ZNF469: variants seen among roughly 807,000 people sequenced by gnomAD.
ZNF469 encodes zinc finger protein 469.
Under a neutral mutation model 1.0 loss-of-function variants are expected in ZNF469, and 1 was observed. The ratio of observed to expected loss-of-function variants is 1.00; its 90% CI spans 0.35 to 4.73. ZNF469 has a LOEUF of 4.73. ZNF469 is among the 30% of genes most tolerant of loss of function. ZNF469 has a pLI of 0.16. For synonymous variants in ZNF469, 2,703 were observed against 2,363.4 expected (o/e 1.14, Z -4.17); for missense variants, 6,100 against 5,356.3 (o/e 1.14, Z -4.33).
the ZNF469 span, among the ~76,000 whole-genome samples, chr16:88,318,460 G>A: frequency 3.5e-5 from 5 of 141,488 alleles, no homozygotes; most frequent in East Asian, 5.8e-4. Context: ...AGGAGCTGGC[G>A]GTGTCCTCTG....
chr16:88,329,323 A>G, the ZNF469 span, among the ~76,000 whole-genome samples: 1 of 152,234 alleles, frequency 6.6e-6, no homozygotes, highest in South Asian at 2.1e-4. Flanking sequence ...CTGGGTTAGT[A>G]TTGATCCAGA....
chr16:88,156,468 G>C, the ZNF469 span, among the ~76,000 whole-genome samples: 3 of 152,128 alleles, frequency 2.0e-5, no homozygotes, highest in Non-Finnish European at 2.9e-5. Flanking sequence ...AGGTGTCCCG[G>C]CACTGTTTGT....
At chr16:88,152,854 C>G in the ZNF469 span, among the ~76,000 whole-genome samples, 1 of 152,138 alleles carries the variant, frequency 6.6e-6, no homozygotes, top group South Asian at 2.1e-4. This position sits in a 1 kb window ranked among gnomAD's most constrained non-coding sequence, Gnocchi z 4.2. Context: ...AATGATTTCC[C>G]AGACTTAAAC....
the ZNF469 span, among the ~76,000 whole-genome samples, chr16:88,154,045 G>A: frequency 1.3e-5 from 2 of 152,232 alleles, no homozygotes; most frequent in Admixed American, 6.5e-5. Flanking sequence ...CACAGGAGGT[G>A]TGAATTAGTG....
At chr16:88,348,074 G>A in the ZNF469 span, among the ~76,000 whole-genome samples, 40 of 152,374 alleles carry the variant, frequency 2.6e-4, no homozygotes, top group African/African-American at 3.1e-4. Context: ...GGACAGCAGC[G>A]GGTCGGAGCC....
chr16:88,142,562 C>T, the ZNF469 span, among the ~76,000 whole-genome samples: 3 of 152,216 alleles, frequency 2.0e-5, no homozygotes, highest in Non-Finnish European at 2.9e-5. Flanking sequence ...CAGACCTCAG[C>T]GTGAGCCTCA....
chr16:88,429,466 G>T lies in ZNF469; in HGVS notation c.1996G>T (p.Ala666Ser). 1 of 1,281,692 alleles carries T rather than the reference G, an allele frequency of 7.8e-7. No homozygotes were observed. The highest frequency in any genetic ancestry group is 1.0e-6 in the Non-Finnish European group (1 of 974,590). 79.4% of individuals were successfully genotyped at this position (1,281,692 alleles called of 1,614,324 possible). The change falls in exon 3 of 3, where the codon GCC becomes TCC. Residue 666 changes from alanine (A) to serine (S), a missense_variant. By Grantham distance (99) the Ala-to-Ser change is moderately conservative (BLOSUM62 1). Transcript: ENST00000565624. ...CCCCACCCACTACCAGCCAGAGCCA[G>T]CCAAGGCCTTCCCTTTTCCCGCAGA... ...SLPTHYQPEP[A>S]KAFPFPADGL...
chr16:88,320,662 G>A, the ZNF469 span, among the ~76,000 whole-genome samples: 47 of 152,328 alleles, frequency 3.1e-4, no homozygotes, highest in Middle Eastern at 0.01. Context: ...GGGATTACAG[G>A]TGTGAGCCAC....
At chr16:88,223,933 C>G in the ZNF469 span, among the ~76,000 whole-genome samples, 1 of 152,208 alleles carries the variant, frequency 6.6e-6, no homozygotes, top group Non-Finnish European at 1.5e-5. Context: ...CCCCCATGAA[C>G]ATGTGCCGAA....
At chr16:88,379,458 T>C (rs536415095), upstream of ZNF469, among the ~76,000 whole-genome samples, 1 of 151,922 alleles carries the variant, frequency 6.6e-6, no homozygotes, top group East Asian at 1.9e-4. Context: ...CCTTTTCAGC[T>C]CTCTGATGGC....
chr16:88,162,684 A>T, the ZNF469 span, among the ~76,000 whole-genome samples: 3 of 137,938 alleles, frequency 2.2e-5, no homozygotes, highest in Admixed American at 1.5e-4. Flanking sequence ...CCCCCCTTTT[A>T]TTCTCTGTGT....
chr16:88,401,091 G>C (rs1472685748), intron 1 of ZNF469, among the ~76,000 whole-genome samples: 1 of 152,100 alleles, frequency 6.6e-6, no homozygotes, highest in Non-Finnish European at 1.5e-5. Flanking sequence ...TGGACACTCA[G>C]TAGTCTCAAG....
intron 1 of ZNF469, among the ~76,000 whole-genome samples, chr16:88,384,226 G>C (rs892409950): frequency 6.6e-6 from 1 of 152,210 alleles, no homozygotes. Flanking sequence ...CTGATGCTGG[G>C]AAGTGAGCAC....
chr16:88,125,365 C>G, the ZNF469 span, among the ~76,000 whole-genome samples: 1 of 152,266 alleles, frequency 6.6e-6, no homozygotes, highest in African/African-American at 2.4e-5. Flanking sequence ...GAATTGGTAC[C>G]AATCCTATTG....
Position 88,428,178 on chromosome 16 carries a change from T to C in ZNF469, c.708T>C (p.Pro236=), listed in dbSNP as rs2142297974. ...AGGCCAGTGGGGCCGACTCCTGGCC[T>C]CCCGCTGCTGAGAATAGCTTCCCAG... ...EYQASGADSW[P]PAAENSFPGA... The change falls in exon 3 of 3, where the codon CCT becomes CCC. Residue 236 remains proline, a synonymous_variant. Coordinates refer to ENST00000565624, the MANE Select transcript of ZNF469 (RefSeq NM_001367624.2). 6.5e-7 allele frequency: 1 copy of C among 1,550,148 alleles called. No homozygotes were observed. The highest frequency in any genetic ancestry group is 8.7e-7 in the Non-Finnish European group (1 of 1,146,890).
the ZNF469 span, among the ~76,000 whole-genome samples, chr16:88,300,228 G>A: frequency 4.6e-5 from 7 of 152,168 alleles, no homozygotes. Context: ...CTGGGTTGCT[G>A]GAGGCACAGC....
chr16:88,112,297 C>A, the ZNF469 span, among the ~76,000 whole-genome samples: 1 of 152,192 alleles, frequency 6.6e-6, no homozygotes, highest in South Asian at 2.1e-4. Context: ...TGGGTCTATA[C>A]CAAGCAGTGG....
chr16:88,422,089 G>GTGGATGGA (rs367717750), intron 1 of ZNF469, among the ~76,000 whole-genome samples: 2 of 149,034 alleles, frequency 1.3e-5, no homozygotes, highest in Non-Finnish European at 3.0e-5. Context: ...GGCTGACTGG[G>GTGGATGGA]TGGATGGATG....
At chr16:88,226,234 A>T in the ZNF469 span, among the ~76,000 whole-genome samples, 1 of 152,070 alleles carries the variant, frequency 6.6e-6, no homozygotes, top group Non-Finnish European at 1.5e-5. Context: ...AAGGCATGTT[A>T]AGGCTTCACC....
Sources: gnomAD v4.1 joint callset for allele counts (sites outside exome capture counted in the v4.1 genomes callset) on GRCh38, gnomAD v4.1.1 for gene constraint, Gnocchi (gnomAD v3.1) non-coding constraint, MANE v1.5 for transcripts, NCBI Gene and HGNC (gene_info 2026-07-23, HGNC 2026-07-21) for gene names.